Variants in CNOT9 observed in about 807,000 individuals in gnomAD.
The protein encoded by CNOT9 is RCD1 required for cell differentiation1 homolog.
A neutral mutation model predicts 37.4 loss-of-function variants in CNOT9; 8 were observed. The ratio of observed to expected loss-of-function variants is 0.21; its 90% CI spans 0.13 to 0.39. The LOEUF (loss-of-function observed/expected upper bound fraction) is 0.39. CNOT9 is among the 10% of genes least tolerant of loss of function. The probability of loss-of-function intolerance (pLI) is 1.00; values close to 1 mark genes in which losing one functional copy is unlikely to be tolerated. For missense variants in CNOT9, 154 were observed against 365.3 expected (o/e 0.42, Z 4.71); for synonymous variants, 120 against 137.6 (o/e 0.87, Z 0.90).
rs576649892 is a variant in CNOT9 at position 218,595,330 on chromosome 2, A to C, written c.*1054A>C. ...CAGCTCCATCTGTCTTCATGATTGT[A>C]CTTGAGCAGTATTAGCTGTATGAGT... is the stretch of plus-strand genomic sequence containing the variant. On this transcript the variant is annotated 3_prime_UTR_variant, in exon 8 of 8. Coordinates refer to ENST00000273064, the MANE Select transcript of CNOT9 (RefSeq NM_005444.3). 3 of 144,582 alleles carry C rather than the reference A, an allele frequency of 2.1e-5. No individual in the cohort carries two copies. Among genetic ancestry groups the C allele is most frequent in the Non-Finnish European group, 4.5e-5 (3 of 66,414 alleles). The allele number at this position is 144,582 out of a possible 1,614,324, so 9.0% of individuals were successfully genotyped here. A position where few individuals can be genotyped will look rare whatever the true frequency, so the allele number is the denominator to read the frequency against.
intron 5 of CNOT9, among the ~76,000 whole-genome samples, chr2:218,590,265 C>G (rs1420696729): frequency 6.6e-6 from 1 of 152,090 alleles, no homozygotes; most frequent in Non-Finnish European, 1.5e-5. Flanking sequence ...GATGGAGTTT[C>G]GCCATGTAGC....
intron 1 of CNOT9, among the ~76,000 whole-genome samples, chr2:218,572,249 A>T (rs623174): frequency 0.56 from 84,925 of 151,854 alleles, 24,167 homozygotes; most frequent in East Asian, 0.78. Flanking sequence ...TGAACCCAGG[A>T]TGTGGAGGTT....
intron 5 of CNOT9, chr2:218,589,457 C>G (rs1315283262): frequency 1.3e-5 from 2 of 152,202 alleles, no homozygotes; most frequent in East Asian, 3.8e-4. Flanking sequence ...ACCTCAGCTT[C>G]ACAAGTAGCT....
chr2:218,592,428 A>G lies in CNOT9; in HGVS notation c.639+26A>G. Reference sequence around the variant, plus strand: ...GTGAGTTCTTTCATCTATCCCCTTTACAACTACTTCTCATCACAAAGCTTA... The same window carrying G: ...GTGAGTTCTTTCATCTATCCCCTTTGCAACTACTTCTCATCACAAAGCTTA... On this transcript the variant is annotated intron_variant, in intron 6 of 7. Coordinates refer to ENST00000273064, the MANE Select transcript of CNOT9 (RefSeq NM_005444.3). This position sits in a 1 kb window ranked among gnomAD's most constrained non-coding sequence, Gnocchi z 4.1. 2 of 1,569,146 alleles carry G rather than the reference A, an allele frequency of 1.3e-6. No individual in the cohort carries two copies. Among genetic ancestry groups the G allele is most frequent in the Non-Finnish European group, 1.8e-6 (2 of 1,139,120 alleles).
intron 2 of CNOT9, 22 bp downstream of exon 2, chr2:218,580,762 G>A: frequency 1.2e-6 from 2 of 1,601,982 alleles, no homozygotes; most frequent in Non-Finnish European, 1.7e-6. Context: ...TCCATGATTG[G>A]CAGTTCAGTT....
intron 1 of CNOT9, among the ~76,000 whole-genome samples, chr2:218,570,547 TTA>T (rs1471251420): frequency 6.6e-6 from 1 of 152,192 alleles, no homozygotes; most frequent in Admixed American, 6.5e-5. Context: ...TTCTCCCAAA[TTA>T]TATATGTAAC....
chr2:218,585,559 C>T (rs1013596584), intron 4 of CNOT9, among the ~76,000 whole-genome samples: 13 of 131,534 alleles, frequency 9.9e-5, no homozygotes, highest in Non-Finnish European at 3.2e-5. Flanking sequence ...CCAGCCTGGG[C>T]GGCAGAGGGA....
At chr2:218,580,406 T>C (rs1694333771) in intron 1 of CNOT9, among the ~76,000 whole-genome samples, 155 bp from the exon 2 acceptor site, 1 of 152,246 alleles carries the variant, frequency 6.6e-6, no homozygotes, top group Non-Finnish European at 1.5e-5. Context: ...CATCAGTAAC[T>C]ACCAAAGAGA....
Position 218,594,322 on chromosome 2 carries a change from G to A in CNOT9, c.*46G>A. On this transcript the variant is annotated 3_prime_UTR_variant, in exon 8 of 8. Coordinates refer to ENST00000273064, the MANE Select transcript of CNOT9 (RefSeq NM_005444.3). ...CTACTCCCCCAAGTTGGGGAAAGGA[G>A]GGGGAACCTACGAGAAAAACAGCTC... 2 of 1,554,072 alleles carry A rather than the reference G, an allele frequency of 1.3e-6. No individual in the cohort carries two copies. Among genetic ancestry groups the A allele is most frequent in the Non-Finnish European group, 8.7e-7 (1 of 1,146,166 alleles).
At chr2:218,590,269 A>G (rs186901636) in intron 5 of CNOT9, among the ~76,000 whole-genome samples, 23 of 152,276 alleles carry the variant, frequency 1.5e-4, no homozygotes, top group African/African-American at 5.5e-4. Flanking sequence ...GAGTTTCGCC[A>G]TGTAGCCCAT....
At chr2:218,588,434 A>G (rs673669) in intron 5 of CNOT9, among the ~76,000 whole-genome samples, 69,940 of 150,810 alleles carry the variant, frequency 0.46, 19,326 homozygotes, top group East Asian at 0.78. Flanking sequence ...GACTACAGGC[A>G]TGTGCCACCA....
intron 1 of CNOT9, among the ~76,000 whole-genome samples, chr2:218,574,672 A>G (rs1409561491): frequency 6.6e-6 from 1 of 152,212 alleles, no homozygotes. Flanking sequence ...AAAATGATGT[A>G]ATCCACAGTG....
intron 1 of CNOT9, chr2:218,572,483 A>C (rs764688184): frequency 6.5e-6 from 1 of 154,102 alleles, no homozygotes; most frequent in African/African-American, 2.4e-5. Flanking sequence ...AGGCAGGAGG[A>C]TCACTTGAGG....
At chr2:218,574,764 A>G (rs1042904086) in intron 1 of CNOT9, among the ~76,000 whole-genome samples, 10 of 152,238 alleles carry the variant, frequency 6.6e-5, no homozygotes, top group Non-Finnish European at 1.2e-4. Context: ...AGTAGCAGAA[A>G]ACACCCATGA....
intron 1 of CNOT9, among the ~76,000 whole-genome samples, chr2:218,578,426 A>G (rs754893977): frequency 1.4e-4 from 22 of 152,244 alleles, no homozygotes; most frequent in African/African-American, 4.3e-4. Context: ...TCTGATCTTC[A>G]ACAAAGGCAG....
intron 1 of CNOT9, chr2:218,573,758 G>A (rs1694076422): frequency 5.4e-6 from 1 of 186,188 alleles, no homozygotes; most frequent in Admixed American, 6.1e-5. Context: ...TACCCTGTGT[G>A]ACACTTGGAG....
chr2:218,583,132 T>G (rs199878761), intron 3 of CNOT9, 46 bp downstream of exon 3: 55 of 1,241,316 alleles, frequency 4.4e-5, no homozygotes, highest in Non-Finnish European at 5.8e-5. Context: ...ACATTGAATA[T>G]GGTCCTAAAC....
chr2:218,587,485 C>G, intron 4 of CNOT9, 101 bp from the exon 5 acceptor site: 1 of 1,319,910 alleles, frequency 7.6e-7, no homozygotes, highest in Non-Finnish European at 9.7e-7. Context: ...AGTTTGTGTT[C>G]TGTTATTTAA....
chr2:218,570,439 C>CAT (rs1478408299), intron 1 of CNOT9, among the ~76,000 whole-genome samples: 2 of 152,194 alleles, frequency 1.3e-5, no homozygotes, highest in Non-Finnish European at 2.9e-5. Context: ...ATCTCTGCCT[C>CAT]CTTTCATACT....
Sources: allele counts gnomAD v4.1 joint callset (sites outside exome capture counted in the v4.1 genomes callset), GRCh38; gene constraint gnomAD v4.1.1; non-coding constraint Gnocchi (gnomAD v3.1); transcripts MANE v1.5; gene names NCBI Gene and HGNC (gene_info 2026-07-23, HGNC 2026-07-21).